Variants in RALB observed in about 807,000 individuals in gnomAD.
The protein encoded by RALB is RAS like proto-oncogene B, also known as ras-related protein Ral-B.
A neutral mutation model predicts 21.3 loss-of-function variants in RALB; 16 were observed. The observed-to-expected ratio is 0.75, with a 90% CI of 0.51 to 1.14. The LOEUF (loss-of-function observed/expected upper bound fraction) is 1.14, where lower values mean the gene tolerates loss of function less well. RALB is among the 50% of genes most tolerant of loss of function. The pLI is 0.00. For synonymous variants in RALB, 93 were observed against 96.1 expected (o/e 0.97, Z 0.19); for missense variants, 161 against 256.2 (o/e 0.63, Z 2.54).
intron 1 of RALB, among the ~76,000 whole-genome samples, chr2:120,271,924 G>GT (rs1689674968): frequency 6.6e-6 from 1 of 152,202 alleles, no homozygotes; most frequent in African/African-American, 2.4e-5. Context: ...GAGCCCAAAT[G>GT]TTTTTTGAAC....
intron 2 of RALB, among the ~76,000 whole-genome samples, chr2:120,282,929 G>A (rs533121388): frequency 6.6e-6 from 1 of 152,258 alleles, no homozygotes; most frequent in African/African-American, 2.4e-5. Flanking sequence ...ATATTGGACA[G>A]AATGGTTCTA....
chr2:120,270,621 G>A (rs1689639046), intron 1 of RALB, among the ~76,000 whole-genome samples: 1 of 152,154 alleles, frequency 6.6e-6, no homozygotes, highest in South Asian at 2.1e-4. Flanking sequence ...AAATCGGTTA[G>A]TTTTTGTTGT....
At chr2:120,245,892 A>G (rs1306285551) in intron 1 of RALB, among the ~76,000 whole-genome samples, 1 of 152,146 alleles carries the variant, frequency 6.6e-6, no homozygotes, top group Non-Finnish European at 1.5e-5. Flanking sequence ...CTTCTTAGCC[A>G]TGGTAAAAAA....
At chr2:120,276,893 G>A (rs2104629325) in intron 1 of RALB, among the ~76,000 whole-genome samples, 1 of 152,262 alleles carries the variant, frequency 6.6e-6, no homozygotes, top group East Asian at 1.9e-4. Flanking sequence ...CTCACAAATG[G>A]CAGAACCACA....
At chr2:120,240,129 G>T in intron 1 of RALB, 1 of 1,289,678 alleles carries the variant, frequency 7.8e-7, no homozygotes, top group Non-Finnish European at 1.0e-6. Context: ...CAGTCAGGTG[G>T]GTGCCCGCCC....
intron 4 of RALB, among the ~76,000 whole-genome samples, chr2:120,290,903 G>A (rs1044174919): frequency 3.3e-5 from 5 of 152,200 alleles, no homozygotes; most frequent in Non-Finnish European, 5.9e-5. Context: ...TGTGCTTGTA[G>A]AATCTAAGCA....
intron 1 of RALB, among the ~76,000 whole-genome samples, chr2:120,271,221 A>T (rs977005349): frequency 1.3e-5 from 2 of 152,172 alleles, no homozygotes; most frequent in African/African-American, 4.8e-5. Context: ...TCCTCCTAAC[A>T]TGTATGGTTT....
chr2:120,283,039 T>C (rs1260173890), intron 2 of RALB, among the ~76,000 whole-genome samples: 1 of 152,024 alleles, frequency 6.6e-6, no homozygotes, highest in Non-Finnish European at 1.5e-5. Context: ...AAACACCTCC[T>C]GAATAATATT....
chr2:120,246,469 G>C (rs2104568009), intron 1 of RALB, among the ~76,000 whole-genome samples: 2 of 152,334 alleles, frequency 1.3e-5, no homozygotes, highest in African/African-American at 4.8e-5. Flanking sequence ...ATTGCTGTGA[G>C]GGGCCAGGAG....
At chr2:120,290,644 T>A (rs376108466) in intron 4 of RALB, among the ~76,000 whole-genome samples, 2 of 151,886 alleles carry the variant, frequency 1.3e-5, no homozygotes, top group East Asian at 1.9e-4. Flanking sequence ...TTTTTTTTTT[T>A]ATCTCTTATC....
rs1463339148 is a variant in RALB at position 120,289,705 on chromosome 2, G to A, written c.449G>A (p.Trp150Ter). Residue 150 changes from tryptophan (W) to a stop codon, truncating the protein, a stop_gained, in exon 4 of 5, where the codon TGG (tryptophan) becomes TAG (stop). Coordinates refer to ENST00000272519, the MANE Select transcript of RALB (RefSeq NM_002881.3). LOFTEE classifies it high-confidence loss of function. ...GAGGCCAGGAGTAAAGCCGAAGAGT[G>A]GGGCGTGCAGTACGTGGAGACGTCA... ...VEEARSKAEE[W>*]GVQYVETSAK... is the part of the protein sequence containing the mutation. The A allele has an allele frequency of 1.2e-6, 2 of 1,614,054 alleles. No individual in the cohort carries two copies. The highest frequency in any genetic ancestry group is 1.3e-5 in the African/African-American group (1 of 74,928).
intron 1 of RALB, among the ~76,000 whole-genome samples, chr2:120,262,286 C>G (rs1205642852): frequency 6.6e-6 from 1 of 152,130 alleles, no homozygotes; most frequent in Non-Finnish European, 1.5e-5. Context: ...GGACACATAT[C>G]TGGTCTGTCT....
chr2:120,259,519 C>A (rs958896178), intron 1 of RALB, among the ~76,000 whole-genome samples: 13 of 151,160 alleles, frequency 8.6e-5, no homozygotes, highest in Middle Eastern at 3.2e-3. Flanking sequence ...CTGAGCTAGA[C>A]GTAAAGACTC....
intron 4 of RALB, among the ~76,000 whole-genome samples, chr2:120,291,148 C>A (rs1690294592): frequency 6.6e-6 from 1 of 152,132 alleles, no homozygotes; most frequent in Non-Finnish European, 1.5e-5. Flanking sequence ...GCTTTAGACG[C>A]ACTTCGGCAA....
chr2:120,242,389 A>G (rs1294658976), intron 1 of RALB, among the ~76,000 whole-genome samples: 3 of 152,306 alleles, frequency 2.0e-5, no homozygotes, highest in African/African-American at 7.2e-5. Flanking sequence ...TAAGATGGTG[A>G]CTTTTATATC....
At chr2:120,285,321 A>T (rs1191371744) in intron 2 of RALB, among the ~76,000 whole-genome samples, 1 of 152,200 alleles carries the variant, frequency 6.6e-6, no homozygotes, top group Non-Finnish European at 1.5e-5. Flanking sequence ...ACACATTGGG[A>T]TGATAATTCG....
chr2:120,269,129 C>A (rs537588146), intron 1 of RALB, among the ~76,000 whole-genome samples: 1 of 152,278 alleles, frequency 6.6e-6, no homozygotes, highest in South Asian at 2.1e-4. Context: ...TTTGTTCCTT[C>A]CGTGGGTTCA....
At chr2:120,273,722 G>A (rs905701289) in intron 1 of RALB, among the ~76,000 whole-genome samples, 3 of 152,240 alleles carry the variant, frequency 2.0e-5, no homozygotes, top group East Asian at 3.8e-4. Context: ...GAGTCAGCAC[G>A]TTCAGCTTCT....
intron 1 of RALB, among the ~76,000 whole-genome samples, chr2:120,240,934 C>T (rs548456830): frequency 1.4e-4 from 21 of 152,098 alleles, no homozygotes; most frequent in African/African-American, 3.1e-4. Flanking sequence ...TTTGGGGGAC[C>T]GGAGGCCTAC....
Sources: allele counts gnomAD v4.1 joint callset (sites outside exome capture counted in the v4.1 genomes callset), GRCh38; gene constraint gnomAD v4.1.1; transcripts MANE v1.5; gene names NCBI Gene and HGNC (gene_info 2026-07-23, HGNC 2026-07-21).